Variants in CDH23 observed in about 807,000 individuals in gnomAD.
CDH23 encodes the protein cadherin related 23, also known as cadherin-23.
In CDH23, 189 loss-of-function variants were observed where a neutral mutation model predicts 317.1. The observed-to-expected ratio is 0.60, with a 90% CI of 0.53 to 0.67. CDH23 has a LOEUF of 0.67. Ranked by LOEUF, CDH23 falls within the 30% of genes least tolerant of loss-of-function variation. The probability of loss-of-function intolerance (pLI) is 0.00; values close to 1 mark genes in which losing one functional copy is unlikely to be tolerated. For missense variants in CDH23, 4,401 were observed against 4,592.4 expected (o/e 0.96, Z 1.20); for synonymous variants, 1,839 against 1,876.8 (o/e 0.98, Z 0.52).
chr10:71,482,055 C>G (rs944968323), intron 3 of CDH23, among the ~76,000 whole-genome samples: 1 of 152,276 alleles, frequency 6.6e-6, no homozygotes, highest in East Asian at 1.9e-4. Flanking sequence ...TGAGGCCCTT[C>G]GCAATGAGGG....
Position 71,695,441 on chromosome 10 carries a change from C to T in CDH23, c.2313C>T (p.Ile771=), listed in dbSNP as rs1361203835. The T allele has an allele frequency of 6.2e-7, 1 of 1,613,118 alleles. No homozygotes were observed. Among genetic ancestry groups the T allele is most frequent in the Non-Finnish European group, 8.5e-7 (1 of 1,179,166 alleles). The part of the protein sequence containing the change: ...IATVNITLLD[I]NDNHPTWKDA... ...AGGTAAACATCACCCTCCTGGACAT[C>T]AATGACAACCACCCCACGTGGAAGG... The change falls in exon 22 of 70, where the codon ATC becomes ATT. Residue 771 remains isoleucine, a synonymous_variant. Coordinates refer to ENST00000224721, the MANE Select transcript of CDH23 (RefSeq NM_022124.6).
chr10:71,802,110 C>A (rs987593857), intron 53 of CDH23, among the ~76,000 whole-genome samples: 1 of 152,294 alleles, frequency 6.6e-6, no homozygotes, highest in Middle Eastern at 3.4e-3. Flanking sequence ...GAGTTCAAGA[C>A]CAGCCTGGCC....
chr10:71,555,033 A>C (rs111333394), intron 6 of CDH23, among the ~76,000 whole-genome samples: 3 of 152,306 alleles, frequency 2.0e-5, no homozygotes, highest in African/African-American at 7.2e-5. Context: ...GGTCTCCAGA[A>C]GCTTGTTTCC....
rs770011858 is a variant in CDH23 at position 71,777,840 on chromosome 10, C to T, written c.5006C>T (p.Thr1669Ile). 6.2e-7 allele frequency: 1 copy of T among 1,613,998 alleles called. No individual in the cohort carries two copies. Among genetic ancestry groups the T allele is most frequent in the Non-Finnish European group, 8.5e-7 (1 of 1,179,904 alleles). The change falls in exon 39 of 70, where the codon ACA becomes ATA. Residue 1669 changes from threonine (T) to isoleucine (I), a missense_variant. Physicochemically the swap from Thr to Ile is moderately conservative, Grantham distance 89. Transcript: ENST00000224721. Reference sequence around the variant, plus strand: ...GACCTGGATGAGGGTCCCAACGGCACAGTCACCTATGCCATCGTCGCAGGC... The same window carrying T: ...GACCTGGATGAGGGTCCCAACGGCATAGTCACCTATGCCATCGTCGCAGGC... ...ALDLDEGPNG[T>I]VTYAIVAGNI...
At chr10:71,707,306 A>G (rs1865829315) in intron 26 of CDH23, 15 of 1,428,252 alleles carry the variant, frequency 1.1e-5, no homozygotes, top group Middle Eastern at 2.3e-4. Flanking sequence ...GGGAGCATCT[A>G]CCAAGGTTCA....
intron 7 of CDH23, among the ~76,000 whole-genome samples, chr10:71,568,649 G>C (rs77104073): frequency 6.6e-6 from 1 of 152,144 alleles, no homozygotes. Flanking sequence ...AGTCCTTCTC[G>C]GGGCTGGTGC....
chr10:71,499,894 G>T (rs1853185767), intron 3 of CDH23, among the ~76,000 whole-genome samples: 1 of 151,814 alleles, frequency 6.6e-6, no homozygotes, highest in Non-Finnish European at 1.5e-5. Context: ...GCACCCGCTT[G>T]TAATCCCAGC....
rs34690494 is a variant in CDH23, at chr10:71,500,018, CAAAAAAAA to C, written c.146-10051_146-10044del. 1.0e-2 allele frequency among the ~76,000 whole-genome samples: 945 copies of C among 94,858 alleles called. 12 individuals carry two copies. The highest frequency in any genetic ancestry group is 0.028 in the African/African-American group (732 of 26,264). The allele number at this position is 94,858 out of a possible 152,430, so 62.2% of individuals were successfully genotyped here. ...TGGGTGACAGAGCGAGACTCCATCT[CAAAAAAAA>C]AAAAAAAAAAAAGGATAGTGCTGTG... On this transcript the variant is annotated intron_variant, in intron 3 of 69. Coordinates refer to ENST00000224721, the MANE Select transcript of CDH23 (RefSeq NM_022124.6).
intron 3 of CDH23, among the ~76,000 whole-genome samples, chr10:71,476,077 G>A (rs1051368046): frequency 2.6e-5 from 4 of 152,196 alleles, no homozygotes; most frequent in Non-Finnish European, 5.9e-5. Flanking sequence ...TTGGTTTGAT[G>A]GGAGCTGAGG....
At chr10:71,752,069 T>A in intron 38 of CDH23, 1 of 704,164 alleles carries the variant, frequency 1.4e-6, no homozygotes, top group Non-Finnish European at 2.6e-6. Context: ...GCTGAGGGCA[T>A]CAGGGCCCAC....
intron 11 of CDH23, among the ~76,000 whole-genome samples, chr10:71,625,748 G>GCTTCCTTTCAGT (rs1861704560): frequency 6.6e-6 from 1 of 152,206 alleles, no homozygotes; most frequent in Non-Finnish European, 1.5e-5. Flanking sequence ...GGCCTCTTCG[G>GCTTCCTTTCAGT]CTTCCTTTCA....
chr10:71,562,221 C>T (rs780549871), intron 6 of CDH23, among the ~76,000 whole-genome samples: 1 of 152,086 alleles, frequency 6.6e-6, no homozygotes, highest in African/African-American at 2.4e-5. Flanking sequence ...CTGGCCCTGC[C>T]GAGCATCTCT....
chr10:71,755,129 C>T (rs1349891657), intron 38 of CDH23: 2 of 654,300 alleles, frequency 3.1e-6, no homozygotes, highest in Non-Finnish European at 5.7e-6. Context: ...GCCGAGCCAG[C>T]ACTGCCTGGG....
chr10:71,613,008 C>G (rs1860993160), intron 9 of CDH23, among the ~76,000 whole-genome samples: 1 of 152,166 alleles, frequency 6.6e-6, no homozygotes, highest in South Asian at 2.1e-4. Context: ...GCCACCACAC[C>G]CAGCTGTTTT....
At chr10:71,715,631 C>T (rs999067298) in intron 28 of CDH23, 21 of 269,794 alleles carry the variant, frequency 7.8e-5, no homozygotes, top group Admixed American at 3.7e-4. Flanking sequence ...GAGGTGGTTA[C>T]GAGCCCCAGG....
chr10:71,425,854 G>A (rs748247928), intron 1 of CDH23, among the ~76,000 whole-genome samples: 1 of 152,210 alleles, frequency 6.6e-6, no homozygotes, highest in East Asian at 1.9e-4. Context: ...AAGTCATCAC[G>A]GAGGTGTTCT....
Position 71,588,637 on chromosome 10 carries a change from G to A in CDH23, c.832+10645G>A, listed in dbSNP as rs566648390. Among the ~76,000 whole-genome samples, 16 of 152,088 alleles carry A rather than the reference G, an allele frequency of 1.1e-4. No homozygotes were observed. The East Asian group carries it at 1.3e-3, about 13-fold the overall frequency. On this transcript the variant is annotated intron_variant, in intron 9 of 69. Transcript: ENST00000224721. Reference sequence around the variant, plus strand: ...CTAAAAATCCAGATTTCACTGACTCGTGGCCTTCCTCCATGTCTGTATAAC... The same window carrying A: ...CTAAAAATCCAGATTTCACTGACTCATGGCCTTCCTCCATGTCTGTATAAC...
chr10:71,716,215 G>A (rs1318824491), intron 28 of CDH23: 22 of 1,550,990 alleles, frequency 1.4e-5, no homozygotes, highest in Non-Finnish European at 1.6e-5. Context: ...TGCAGGCCAG[G>A]GCGATGAGCA....
chr10:71,555,494 G>T (rs1564650387), intron 6 of CDH23, among the ~76,000 whole-genome samples: 1 of 152,162 alleles, frequency 6.6e-6, no homozygotes, highest in Non-Finnish European at 1.5e-5. Context: ...TGGGCCAGCC[G>T]TCCGTCCCTG....
Sources: gnomAD v4.1 joint callset for allele counts (sites outside exome capture counted in the v4.1 genomes callset) on GRCh38, gnomAD v4.1.1 for gene constraint, MANE v1.5 for transcripts, NCBI Gene and HGNC (gene_info 2026-07-23, HGNC 2026-07-21) for gene names.